YAF2: variants seen among roughly 807,000 people sequenced by gnomAD.
The protein encoded by YAF2 is YY1 associated factor 2.
In YAF2, 7 loss-of-function variants were observed where a neutral mutation model predicts 20.1. The ratio of observed to expected loss-of-function variants is 0.35; its 90% CI spans 0.20 to 0.65. The LOEUF (loss-of-function observed/expected upper bound fraction) is 0.65, where lower values mean the gene tolerates loss of function less well. Among genes scored for constraint, YAF2 ranks in the 30% least tolerant of loss-of-function variants. YAF2 has a pLI of 0.69. For synonymous variants in YAF2, 74 were observed against 76.0 expected (o/e 0.97, Z 0.14); for missense variants, 151 against 219.2 (o/e 0.69, Z 1.96).
chr12:42,216,030 A>G (rs1448010824), intron 2 of YAF2, among the ~76,000 whole-genome samples: 2 of 152,080 alleles, frequency 1.3e-5, no homozygotes, highest in African/African-American at 4.8e-5. Context: ...CAAGTACCCA[A>G]TGTTTTGGGA....
At chr12:42,230,084 C>T (rs1336401329) in intron 2 of YAF2, among the ~76,000 whole-genome samples, 2 of 152,028 alleles carry the variant, frequency 1.3e-5, no homozygotes, top group African/African-American at 4.8e-5. Flanking sequence ...TGGTGAAACC[C>T]TGTCTCTACT....
At chr12:42,194,515 G>A (rs1175780595) in intron 2 of YAF2, among the ~76,000 whole-genome samples, 1 of 152,162 alleles carries the variant, frequency 6.6e-6, no homozygotes, top group Admixed American at 6.5e-5. Flanking sequence ...GTGGTGGCAA[G>A]CGCCTGTAAT....
chr12:42,192,137 T>A (rs1238290), intron 2 of YAF2, among the ~76,000 whole-genome samples: 106,116 of 152,074 alleles, frequency 0.7, 38,082 homozygotes, highest in African/African-American at 0.86. Context: ...ATATTGAATA[T>A]GGAGAAAAAT....
chr12:42,184,279 C>A (rs1284019111), intron 2 of YAF2, among the ~76,000 whole-genome samples: 17 of 152,088 alleles, frequency 1.1e-4, no homozygotes, highest in Admixed American at 8.5e-4. Flanking sequence ...CCCCATAGAT[C>A]CAGGAGTAAT....
At position 42,196,039 on chromosome 12, in the gene YAF2, T is replaced by C. The variant is rs143074588; in HGVS notation, c.153-34274A>G. ...GAGTTGGAGACCAGCCTGGCCAACA[T>C]GGTGAAACCCCATCTCTACTAAAGA... On this transcript the variant is annotated intron_variant, in intron 2 of 3. Transcript: ENST00000534854. Among the ~76,000 whole-genome samples the C allele has an allele frequency of 1.3e-3, 203 of 151,642 alleles. 2 individuals carry two copies. Among genetic ancestry groups the C allele is most frequent in the African/African-American group, 4.5e-3 (187 of 41,318 alleles).
At chr12:42,214,573 C>T (rs1200174759) in intron 2 of YAF2, among the ~76,000 whole-genome samples, 1 of 152,056 alleles carries the variant, frequency 6.6e-6, no homozygotes, top group Non-Finnish European at 1.5e-5. Flanking sequence ...TGCCCGGCCT[C>T]CTCTTATCCT....
intron 2 of YAF2, among the ~76,000 whole-genome samples, chr12:42,197,262 C>T (rs1323838621): frequency 6.6e-6 from 1 of 151,430 alleles, no homozygotes; most frequent in East Asian, 1.9e-4. Context: ...TGGTGTTCTT[C>T]CTTTGGCTAT....
rs868155766 is a variant in YAF2 at position 42,160,250 on chromosome 12, A to C, written c.*339T>G. 3 of 216,178 alleles carry C rather than the reference A, an allele frequency of 1.4e-5. No individual in the cohort carries two copies. Among genetic ancestry groups the C allele is most frequent in the Admixed American group, 5.2e-5 (1 of 19,100 alleles). 13.4% of individuals were successfully genotyped at this position (216,178 alleles called of 1,614,324 possible). On this transcript the variant is annotated 3_prime_UTR_variant, in exon 4 of 4. Transcript: ENST00000534854. ...GCTTGCACTATGTTATAAAAAATTT[A>C]AATTCGTTACATGCCAATAGTAGAG...
chr12:42,188,689 AT>A lies in YAF2; in HGVS notation c.153-26925del, dbSNP rs201862365. Among the ~76,000 whole-genome samples, 837 of 148,800 alleles carry A rather than the reference AT, an allele frequency of 5.6e-3. 4 individuals carry two copies. The highest frequency in any genetic ancestry group is 0.019 in the African/African-American group (770 of 40,758). ...GCGTGAGCCACAGTGCCCAGTCAGA[AT>A]TTTTTTTTTTAATTTAAAAAATGTT... On this transcript the variant is annotated intron_variant, in intron 2 of 3. Coordinates refer to ENST00000534854, the MANE Select transcript of YAF2 (RefSeq NM_005748.6).
intron 2 of YAF2, among the ~76,000 whole-genome samples, chr12:42,168,047 A>G (rs2065955251): frequency 6.6e-6 from 1 of 152,194 alleles, no homozygotes; most frequent in South Asian, 2.1e-4. Context: ...TATGAATAAT[A>G]TACAAATATA....
chr12:42,237,558 C>A (rs2068211236), intron 2 of YAF2, 41 bp downstream of exon 2: 4 of 1,483,718 alleles, frequency 2.7e-6, no homozygotes, highest in Non-Finnish European at 2.7e-6. Flanking sequence ...CTGGTCGCCA[C>A]CCCGCCGGCC....
At chr12:42,213,421 C>T (rs1462975041) in intron 2 of YAF2, among the ~76,000 whole-genome samples, 2 of 152,142 alleles carry the variant, frequency 1.3e-5, no homozygotes, top group African/African-American at 4.8e-5. Context: ...TTAATCTGAC[C>T]AGATTTTGAA....
chr12:42,159,479 G>C lies in YAF2; in HGVS notation c.*1110C>G, dbSNP rs1200675962. ...AATATTTTATTGGTAATTTTACATA[G>C]TATAAGTGGGGCTATACTTTTTTCC... On this transcript the variant is annotated 3_prime_UTR_variant, in exon 4 of 4. Coordinates refer to ENST00000534854, the MANE Select transcript of YAF2 (RefSeq NM_005748.6). The C allele has an allele frequency of 6.6e-6, 1 of 152,010 alleles. No homozygotes were observed. The highest frequency in any genetic ancestry group is 1.5e-5 in the Non-Finnish European group (1 of 67,918). 9.4% of individuals were successfully genotyped at this position (152,010 alleles called of 1,614,324 possible). A position where few individuals can be genotyped will look rare whatever the true frequency, so the allele number is the denominator to read the frequency against.
intron 2 of YAF2, chr12:42,234,545 T>C: frequency 1.0e-6 from 1 of 985,412 alleles, no homozygotes; most frequent in Non-Finnish European, 1.2e-6. Flanking sequence ...CTACAACAAA[T>C]CATTTTATTT....
rs573425326 is a variant in YAF2 at position 42,224,628 on chromosome 12, T to G, written c.152+12971A>C. Among the ~76,000 whole-genome samples, 68 of 152,082 alleles carry G rather than the reference T, an allele frequency of 4.5e-4. No homozygotes were observed. The South Asian group carries it at 0.013, about 30-fold the overall frequency. On this transcript the variant is annotated intron_variant, in intron 2 of 3. Coordinates refer to ENST00000534854, the MANE Select transcript of YAF2 (RefSeq NM_005748.6). ...CAGTTATGAGTGAGAATACGTGGTG[T>G]TTGGTTTTCTGATCCTGTGTTAGTG...
intron 2 of YAF2, chr12:42,199,318 A>T (rs184706371): frequency 4.8e-5 from 33 of 691,534 alleles, no homozygotes; most frequent in Non-Finnish European, 6.3e-5. Context: ...TCCATCAAAC[A>T]TAATAATATA....
At chr12:42,234,510 AAAATT>A in intron 2 of YAF2, 2 of 984,406 alleles carry the variant, frequency 2.0e-6, no homozygotes, top group Non-Finnish European at 2.4e-6. Flanking sequence ...AATCTAAAAT[AAAATT>A]AAAACTTGAG....
chr12:42,214,811 C>T (rs1243281464), intron 2 of YAF2, among the ~76,000 whole-genome samples: 3 of 151,224 alleles, frequency 2.0e-5, no homozygotes, highest in South Asian at 2.1e-4. Flanking sequence ...CGAGACCAGC[C>T]GGGCCAACAC....
rs776000784 is a variant in YAF2, at chr12:42,237,654, T to C, written c.97A>G (p.Ser33Gly). 2 of 1,584,156 alleles carry C rather than the reference T, an allele frequency of 1.3e-6. No individual in the cohort carries two copies. The highest frequency in any genetic ancestry group is 1.2e-5 in the South Asian group (1 of 86,206). ...WDCSVCTFRN[S>G]AEAFKCMMCD... Reference sequence around the variant, plus strand: ...ATCATGCACTTGAAGGCCTCGGCGCTGTTCCGGAAGGTGCAGACGCTACAG... The same window carrying C: ...ATCATGCACTTGAAGGCCTCGGCGCCGTTCCGGAAGGTGCAGACGCTACAG... Residue 33 changes from serine to glycine, a missense_variant, in exon 2 of 4, where the codon AGC (serine) becomes GGC (glycine). Physicochemically the swap from Ser to Gly is moderately conservative, Grantham distance 56 (BLOSUM62 0). Around this residue, in one of 3 missense-constraint regions of YAF2, gnomAD observed 50 missense variants for 58.3 expected, o/e 0.86. Transcript: ENST00000534854.
Sources: allele counts gnomAD v4.1 joint callset (sites outside exome capture counted in the v4.1 genomes callset), GRCh38; gene constraint gnomAD v4.1.1; regional missense constraint gnomAD v4.1.1; transcripts MANE v1.5; gene names NCBI Gene and HGNC (gene_info 2026-07-23, HGNC 2026-07-21).